GSE1: variants seen among roughly 807,000 people sequenced by gnomAD.
GSE1 encodes Gse1 coiled-coil protein, also known as genetic suppressor element 1.
Under a neutral mutation model 112.6 loss-of-function variants are expected in GSE1, and 32 were observed. The observed-to-expected ratio is 0.28, with a 90% CI of 0.21 to 0.38. The LOEUF is 0.38. Among genes scored for constraint, GSE1 ranks in the 10% least tolerant of loss-of-function variants. The pLI, the probability that GSE1 is intolerant of heterozygous loss-of-function variation, is 1.00. For synonymous variants in GSE1, 1,115 were observed against 735.6 expected (o/e 1.52, Z -8.35); for missense variants, 2,348 against 1,699.2 (o/e 1.38, Z -6.71).
chr16:85,582,875 C>T (rs1025653668), intron 1 of GSE1, among the ~76,000 whole-genome samples: 1 of 152,144 alleles, frequency 6.6e-6, no homozygotes, highest in Non-Finnish European at 1.5e-5. Flanking sequence ...ATTTGCTGAG[C>T]GTAAAAATTC....
rs116588495 is a variant in GSE1 at position 85,557,430 on chromosome 16, G to A, written c.37+1067G>A. Among the ~76,000 whole-genome samples, 300 of 152,294 alleles carry A rather than the reference G, an allele frequency of 2.0e-3. 1 individual carries two copies. Among genetic ancestry groups the A allele is most frequent in the African/African-American group, 6.7e-3 (280 of 41,560 alleles). ...TGTGGGTGGGGAGGGTGATGTGGGG[G>A]TGTAGGGAGGAGAGGGGAAGTTCCT... On this transcript the variant is annotated intron_variant, in intron 1 of 2. Transcript: ENST00000635906.
intron 2 of GSE1, among the ~76,000 whole-genome samples, chr16:85,636,096 A>T (rs903714870): frequency 6.6e-6 from 1 of 152,250 alleles, no homozygotes; most frequent in Non-Finnish European, 1.5e-5. Flanking sequence ...GGGAGGCCAG[A>T]CACCATGGCC....
intron 2 of GSE1, among the ~76,000 whole-genome samples, chr16:85,370,201 C>T (rs2047265922): frequency 2.0e-5 from 3 of 152,166 alleles, no homozygotes; most frequent in Admixed American, 6.5e-5. Flanking sequence ...CTGCCCCCAC[C>T]CTGTCCCTGG....
intron 1 of GSE1, among the ~76,000 whole-genome samples, chr16:85,613,673 G>A (rs1471795796): frequency 6.7e-6 from 1 of 150,366 alleles, no homozygotes; most frequent in African/African-American, 2.4e-5. Flanking sequence ...TGGGGGGGGT[G>A]CGTTTAAGTG....
At chr16:85,355,768 C>T (rs992955879) in intron 1 of GSE1, among the ~76,000 whole-genome samples, 1 of 152,168 alleles carries the variant, frequency 6.6e-6, no homozygotes, top group African/African-American at 2.4e-5. Context: ...CACCTATAAT[C>T]CCAGCGCTTT....
intron 1 of GSE1, among the ~76,000 whole-genome samples, chr16:85,328,174 C>T (rs2046264031): frequency 6.6e-6 from 1 of 152,260 alleles, no homozygotes; most frequent in Admixed American, 6.5e-5. Flanking sequence ...CAGGGCAGAA[C>T]ATACGACAGC....
intron 6 of GSE1, 36 bp downstream of exon 6, chr16:85,655,953 T>A: frequency 6.5e-7 from 1 of 1,527,346 alleles, no homozygotes; most frequent in Non-Finnish European, 8.9e-7. Context: ...CCCTCTGCCC[T>A]CCCTGTCCCT....
intron 2 of GSE1, among the ~76,000 whole-genome samples, chr16:85,638,284 G>A (rs1282123280): frequency 6.6e-6 from 1 of 152,210 alleles, no homozygotes; most frequent in East Asian, 1.9e-4. Flanking sequence ...GGCCCTCGCT[G>A]GGATTTATTT....
At chr16:85,478,274 C>T (rs1358723917) in intron 2 of GSE1, among the ~76,000 whole-genome samples, 2 of 152,110 alleles carry the variant, frequency 1.3e-5, no homozygotes, top group African/African-American at 2.4e-5. Flanking sequence ...TGCCTGTCAT[C>T]GCAGCACCTT....
intron 13 of GSE1, among the ~76,000 whole-genome samples, chr16:85,667,430 C>T (rs866244584): frequency 2.6e-5 from 4 of 152,230 alleles, no homozygotes; most frequent in African/African-American, 7.2e-5. Context: ...AGGGCATGCC[C>T]TCTTGAAACG....
At chr16:85,181,011 G>A (rs541120058) in intron 1 of GSE1, among the ~76,000 whole-genome samples, 2 of 152,180 alleles carry the variant, frequency 1.3e-5, no homozygotes, top group Admixed American at 6.5e-5. Context: ...AGATTGTGTC[G>A]TATTTTACAT....
At chr16:85,336,303 A>G (rs886622474) in intron 1 of GSE1, among the ~76,000 whole-genome samples, 5 of 152,200 alleles carry the variant, frequency 3.3e-5, no homozygotes, top group African/African-American at 7.2e-5. Flanking sequence ...TCATTCAACA[A>G]ATGTTCATGA....
At chr16:85,445,527 T>A (rs1038518663) in intron 2 of GSE1, among the ~76,000 whole-genome samples, 5 of 152,232 alleles carry the variant, frequency 3.3e-5, no homozygotes, top group Non-Finnish European at 7.3e-5. Flanking sequence ...CTGGCAGCGA[T>A]CTGCTGAGCC....
chr16:85,466,675 T>G (rs944377718), intron 2 of GSE1, among the ~76,000 whole-genome samples: 1 of 140,440 alleles, frequency 7.1e-6, no homozygotes. Context: ...GTTTGCAAAT[T>G]AAAAAAAAAA....
intron 1 of GSE1, among the ~76,000 whole-genome samples, chr16:85,198,000 C>A (rs1031173820): frequency 1.7e-4 from 26 of 152,174 alleles, no homozygotes; most frequent in East Asian, 1.9e-4. Context: ...AAGGAGTCAA[C>A]AACTCCTGCC....
intron 1 of GSE1, among the ~76,000 whole-genome samples, chr16:85,629,527 G>A (rs993411584): frequency 2.6e-5 from 4 of 152,248 alleles, no homozygotes; most frequent in African/African-American, 7.2e-5. Flanking sequence ...AGGTCGAGCT[G>A]GGCCCTGGCT....
At chr16:85,288,104 G>C (rs544978368) in intron 1 of GSE1, among the ~76,000 whole-genome samples, 1 of 152,266 alleles carries the variant, frequency 6.6e-6, no homozygotes, top group African/African-American at 2.4e-5. Flanking sequence ...GCTTGATGTG[G>C]TGGCGTGCAC....
intron 1 of GSE1, among the ~76,000 whole-genome samples, chr16:85,268,887 G>GTCTCGCCATCCACTCGGGA (rs1382943737): frequency 2.7e-5 from 4 of 150,112 alleles, no homozygotes; most frequent in Non-Finnish European, 6.0e-5. Context: ...TGAAGGATGG[G>GTCTCGCCATCCACTCGGGA]ACCCATTTCT....
chr16:85,643,290 T>G (rs1016426261), intron 2 of GSE1, among the ~76,000 whole-genome samples: 1 of 152,168 alleles, frequency 6.6e-6, no homozygotes, highest in East Asian at 1.9e-4. Flanking sequence ...ACCTTCCTGC[T>G]CCAGCCACGC....
Sources: gnomAD v4.1 joint callset for allele counts (sites outside exome capture counted in the v4.1 genomes callset) on GRCh38, gnomAD v4.1.1 for gene constraint, MANE v1.5 for transcripts, NCBI Gene and HGNC (gene_info 2026-07-23, HGNC 2026-07-21) for gene names.